Variants in CSPP1 observed in about 807,000 individuals in gnomAD.
The protein encoded by CSPP1 is centrosome and spindle pole-associated protein 1.
CSPP1 carries 126 observed loss-of-function variants against 164.4 expected under a neutral mutation model. The ratio of observed to expected loss-of-function variants is 0.77; its 90% confidence interval spans 0.66 to 0.89. The LOEUF (loss-of-function observed/expected upper bound fraction) is 0.89, where lower values mean the gene tolerates loss of function less well. Ranked by LOEUF, CSPP1 falls within the 40% of genes least tolerant of loss-of-function variation. The probability of loss-of-function intolerance (pLI) is 0.00; values close to 1 mark genes in which losing one functional copy is unlikely to be tolerated. For synonymous variants in CSPP1, 472 were observed against 476.7 expected (o/e 0.99, Z 0.13); for missense variants, 1,395 against 1,449.8 (o/e 0.96, Z 0.61).
chr8:67,163,775 G>A lies in CSPP1; in HGVS notation c.2687G>A (p.Arg896Lys), dbSNP rs1222933749. The A allele has an allele frequency of 5.0e-6, 8 of 1,613,478 alleles. No homozygotes were observed. Among genetic ancestry groups the A allele is most frequent in the Non-Finnish European group, 6.8e-6 (8 of 1,179,616 alleles). Residue 896 changes from arginine to lysine, a missense_variant, in exon 23 of 31, where the codon AGG becomes AAG. Coordinates refer to ENST00000678616, the MANE Select transcript of CSPP1 (RefSeq NM_001382391.1). Reference protein sequence around the residue: ...SRAQSPPVPARKNQLRAEEEK... With the variant: ...SRAQSPPVPAKKNQLRAEEEK... ...GCACAGTCACCCCCGGTACCTGCCA[G>A]GAAAAATCAGCTCCGTGCAGAAGGT...
At position 67,136,264 on chromosome 8, in the gene CSPP1, C is replaced by T. The variant is rs548554596; in HGVS notation, c.1828-1192C>T. Among the ~76,000 whole-genome samples, 6 of 152,172 alleles carry T rather than the reference C, an allele frequency of 3.9e-5. No homozygotes were observed. The South Asian group carries it at 8.3e-4, about 21-fold the overall frequency. On this transcript the variant is annotated intron_variant, in intron 16 of 30. Transcript: ENST00000678616. ...TCAATGCAGAGTTGCCACAAACCTT[C>T]GATTTGTAAAAAATGCAATATCTGT...
intron 4 of CSPP1, among the ~76,000 whole-genome samples, chr8:67,087,405 AG>A (rs767463572): frequency 1.3e-5 from 2 of 152,246 alleles, no homozygotes; most frequent in Non-Finnish European, 2.9e-5. Context: ...AAGATATATC[AG>A]GTATGCATCC....
intron 15 of CSPP1, among the ~76,000 whole-genome samples, chr8:67,124,403 A>C (rs1819644327): frequency 6.6e-6 from 1 of 152,092 alleles, no homozygotes; most frequent in South Asian, 2.1e-4. Flanking sequence ...CTTTTCCTCT[A>C]CTTGATGCTA....
chr8:67,073,980 G>A (rs1807369269), intron 1 of CSPP1, among the ~76,000 whole-genome samples: 1 of 152,142 alleles, frequency 6.6e-6, no homozygotes, highest in East Asian at 1.9e-4. Flanking sequence ...GCTTGCCTTC[G>A]TTTTTTGCCG....
At chr8:67,074,668 T>C (rs1807520982) in intron 2 of CSPP1, 2 of 237,372 alleles carry the variant, frequency 8.4e-6, no homozygotes, top group South Asian at 1.1e-4. Context: ...GTTTATAGTC[T>C]ATGTGAAAAA....
chr8:67,145,537 G>A (rs1163923339), intron 17 of CSPP1, among the ~76,000 whole-genome samples: 4 of 133,522 alleles, frequency 3.0e-5, no homozygotes, highest in African/African-American at 1.2e-4. Context: ...TTTTGTTTTT[G>A]TTTTGAGACA....
intron 10 of CSPP1, among the ~76,000 whole-genome samples, chr8:67,113,031 G>T (rs903628010): frequency 1.5e-4 from 23 of 152,132 alleles, no homozygotes; most frequent in African/African-American, 5.6e-4. Context: ...GGATCACAAG[G>T]TCAGGAGATC....
intron 4 of CSPP1, among the ~76,000 whole-genome samples, chr8:67,091,308 T>A (rs1160070462): frequency 6.6e-6 from 1 of 152,186 alleles, no homozygotes; most frequent in South Asian, 2.1e-4. Context: ...TGAACAAGAT[T>A]GGAGGAACAC....
At chr8:67,178,318 T>A (rs975938832) in intron 27 of CSPP1, among the ~76,000 whole-genome samples, 5 of 152,084 alleles carry the variant, frequency 3.3e-5, no homozygotes, top group African/African-American at 7.2e-5. Flanking sequence ...CCCACCTGTA[T>A]CCTGAGGGGG....
chr8:67,083,548 A>AATATATATAT (rs55758408), intron 3 of CSPP1: 6 of 91,480 alleles, frequency 6.6e-5, no homozygotes, highest in Admixed American at 2.8e-4. Context: ...AAAAAAAAAA[A>AATATATATAT]ATATATATAT....
At chr8:67,107,587 T>TC (rs533467738) in intron 9 of CSPP1, among the ~76,000 whole-genome samples, 41 of 152,204 alleles carry the variant, frequency 2.7e-4, no homozygotes, top group African/African-American at 9.6e-4. Context: ...GTTGATCTTT[T>TC]CCCCCCAAAA....
intron 24 of CSPP1, among the ~76,000 whole-genome samples, chr8:67,170,703 G>T (rs539894457): frequency 1.3e-5 from 2 of 152,128 alleles, no homozygotes; most frequent in East Asian, 3.9e-4. Flanking sequence ...TTGCATCTGA[G>T]GATTTTGAAA....
chr8:67,159,853 TTTCTTTCTTTC>T (rs1193213104), intron 21 of CSPP1, among the ~76,000 whole-genome samples: 3 of 17,636 alleles, frequency 1.7e-4, no homozygotes, highest in Non-Finnish European at 2.8e-4. Flanking sequence ...TTTCTTTCTT[TTTCTTTCTTTC>T]TTTCTTTCTT....
At chr8:67,171,402 A>G (rs893022477) in intron 24 of CSPP1, among the ~76,000 whole-genome samples, 4 of 151,728 alleles carry the variant, frequency 2.6e-5, no homozygotes, top group African/African-American at 9.7e-5. Flanking sequence ...TCCACCTCAA[A>G]AAAAGAGACA....
chr8:67,168,722 G>T (rs555523820), intron 24 of CSPP1, among the ~76,000 whole-genome samples: 2 of 152,228 alleles, frequency 1.3e-5, no homozygotes, highest in Admixed American at 1.3e-4. Flanking sequence ...TGTACAAAAG[G>T]AATCTTGTAT....
chr8:67,158,193 A>T (rs952128958), intron 19 of CSPP1, among the ~76,000 whole-genome samples: 7 of 152,192 alleles, frequency 4.6e-5, no homozygotes, highest in Non-Finnish European at 8.8e-5. Flanking sequence ...TGTTTACCAG[A>T]AAAAAGAGAA....
At chr8:67,084,100 T>C (rs1304104203) in intron 3 of CSPP1, 2 of 152,228 alleles carry the variant, frequency 1.3e-5, no homozygotes, top group Non-Finnish European at 2.9e-5. Flanking sequence ...ATCAAAACTT[T>C]CTCTCCTTAG....
At chr8:67,190,099 AAGATATGTCCACACAC>A (rs772746279) in intron 28 of CSPP1, among the ~76,000 whole-genome samples, 2 of 152,226 alleles carry the variant, frequency 1.3e-5, no homozygotes, top group Non-Finnish European at 2.9e-5. Flanking sequence ...AAGAAATGAG[AAGATATGTCCACACAC>A]AAAAACTTGA....
In CSPP1 at chr8:67,116,112, G is replaced by C; in HGVS notation, c.1486G>C (p.Val496Leu). ...ACTCAGCAGCGCCCTTGGTGAAATG[G>C]TGTCTCCCAGGTGCTTGTTTAAATG... is the stretch of plus-strand genomic sequence containing the variant. ...SGLSSALGEM[V>L]SPRIAPLPPP... Residue 496 changes from valine to leucine, a missense_variant, in exon 13 of 31, where the codon GTG becomes CTG. Coordinates refer to ENST00000678616, the MANE Select transcript of CSPP1 (RefSeq NM_001382391.1). 3 of 1,612,368 alleles carry C rather than the reference G, an allele frequency of 1.9e-6. No homozygotes were observed. The South Asian group carries it at 3.3e-5, about 18-fold the overall frequency.
Sources: allele counts gnomAD v4.1 joint callset (sites outside exome capture counted in the v4.1 genomes callset), GRCh38; gene constraint gnomAD v4.1.1; transcripts MANE v1.5; gene names NCBI Gene and HGNC (gene_info 2026-07-23, HGNC 2026-07-21).